Variants in NRXN3 observed in about 807,000 individuals in gnomAD.
The protein encoded by NRXN3 is neurexin 3, also known as neurexin III.
A neutral mutation model predicts 137.6 loss-of-function variants in NRXN3; 32 were observed. The ratio of observed to expected loss-of-function variants is 0.23; its 90% CI spans 0.18 to 0.31. The LOEUF is 0.31. NRXN3 is among the 10% of genes least tolerant of loss of function. The pLI is 1.00. For synonymous variants in NRXN3, 798 were observed against 784.5 expected (o/e 1.02, Z -0.29); for missense variants, 1,574 against 2,062.5 (o/e 0.76, Z 4.59).
Position 79,139,908 on chromosome 14 carries a change from C to CATAT in NRXN3, c.3262+151782_3262+151785dup, listed in dbSNP as rs34927047. ...ATATGGCTTATACAAATGGCATATG[C>CATAT]ATATATATATATATATATCATATAC... On this transcript the variant is annotated intron_variant, in intron 15 of 20. Coordinates refer to ENST00000335750, the MANE Select transcript of NRXN3 (RefSeq NM_001330195.2). Among the ~76,000 whole-genome samples, 886 of 143,748 alleles carry CATAT rather than the reference C, an allele frequency of 6.2e-3. 2 individuals are homozygous for CATAT. The highest frequency in any genetic ancestry group is 8.5e-3 in the African/African-American group (336 of 39,358). The allele number at this position is 143,748 out of a possible 152,430, so 94.3% of individuals were successfully genotyped here.
chr14:78,910,581 T>C lies in NRXN3; in HGVS notation c.2276-46661T>C, dbSNP rs1224056953. ...CTCTAATCTTTTAGCAGCTTGAATGTCATTCCTCAAAAAAGCCTCCCTGAC... is the reference window on the plus strand; with the variant it reads ...CTCTAATCTTTTAGCAGCTTGAATGCCATTCCTCAAAAAAGCCTCCCTGAC... On this transcript the variant is annotated intron_variant, in intron 10 of 20. Transcript: ENST00000335750. 2.6e-5 allele frequency among the ~76,000 whole-genome samples: 4 copies of C among 152,194 alleles called. No homozygotes were observed. The East Asian group carries it at 7.7e-4, about 29-fold the overall frequency.
intron 8 of NRXN3, among the ~76,000 whole-genome samples, chr14:78,733,223 C>T (rs971378743): frequency 1.3e-5 from 2 of 152,084 alleles, no homozygotes; most frequent in African/African-American, 2.4e-5. Context: ...TATTTTCTGC[C>T]TCATGCCTGG....
intron 6 of NRXN3, among the ~76,000 whole-genome samples, chr14:78,679,921 A>T (rs1261923161): frequency 6.6e-6 from 1 of 152,152 alleles, no homozygotes; most frequent in Non-Finnish European, 1.5e-5. Context: ...GTTTAAGGAC[A>T]TGAGATTCTA....
rs76837591 is a variant in NRXN3, at chr14:79,468,869, G to T, written c.3444+1467G>T. ...TGGTGGAGGAGTCTTGAATAGAGTT[G>T]TGAACTTTTCAATTTTTTCTCAGAT... On this transcript the variant is annotated intron_variant, in intron 16 of 20. Transcript: ENST00000335750. Among the ~76,000 whole-genome samples the T allele has an allele frequency of 6.5e-3, 983 of 152,310 alleles. 13 individuals are homozygous for T. Among genetic ancestry groups the T allele is most frequent in the African/African-American group, 0.023 (950 of 41,572 alleles).
chr14:79,100,769 C>T (rs1486054198), intron 15 of NRXN3, among the ~76,000 whole-genome samples: 2 of 152,174 alleles, frequency 1.3e-5, no homozygotes, highest in Non-Finnish European at 2.9e-5. Flanking sequence ...TAAACACCCT[C>T]AAATGGGGAC....
chr14:79,219,731 G>GTCATATAAT (rs11281805), intron 15 of NRXN3, among the ~76,000 whole-genome samples: 5,475 of 152,124 alleles, frequency 0.036, 253 homozygotes, highest in African/African-American at 0.099. Context: ...ATATCTGACG[G>GTCATATAAT]TCATATAATT....
At chr14:78,904,837 G>A (rs890679824) in intron 10 of NRXN3, among the ~76,000 whole-genome samples, 1 of 150,720 alleles carries the variant, frequency 6.6e-6, no homozygotes, top group Non-Finnish European at 1.5e-5. Context: ...GAATATGAAT[G>A]ACCTTTCCCT....
At chr14:78,356,610 A>G (rs1029015315) in intron 4 of NRXN3, among the ~76,000 whole-genome samples, 3 of 152,200 alleles carry the variant, frequency 2.0e-5, no homozygotes, top group Non-Finnish European at 2.9e-5. Context: ...AAACCATTCC[A>G]GGCAGCCGAC....
intron 4 of NRXN3, among the ~76,000 whole-genome samples, chr14:78,374,892 A>G (rs941554555): frequency 2.0e-5 from 3 of 152,174 alleles, no homozygotes; most frequent in African/African-American, 4.8e-5. Context: ...CACAATCACC[A>G]CTGATTAGTA....
chr14:78,576,041 G>A (rs1330428913), intron 4 of NRXN3, among the ~76,000 whole-genome samples: 4 of 152,222 alleles, frequency 2.6e-5, no homozygotes, highest in Admixed American at 6.5e-5. Context: ...TATTCATGAA[G>A]TAAAAATGTC....
At chr14:79,186,507 T>G (rs74951817) in intron 15 of NRXN3, among the ~76,000 whole-genome samples, 5,801 of 152,262 alleles carry the variant, frequency 0.038, 251 homozygotes, top group East Asian at 0.22. Context: ...GATTTTTTCA[T>G]GCTTTCAGTA....
At chr14:79,587,099 G>T (rs934222126) in intron 16 of NRXN3, among the ~76,000 whole-genome samples, 6 of 152,194 alleles carry the variant, frequency 3.9e-5, no homozygotes, top group Admixed American at 1.3e-4. Flanking sequence ...GGTTGTGCCA[G>T]ACTTTCACGG....
At chr14:79,119,745 T>C (rs2055090262) in intron 15 of NRXN3, among the ~76,000 whole-genome samples, 2 of 152,162 alleles carry the variant, frequency 1.3e-5, no homozygotes, top group East Asian at 1.9e-4. Context: ...GTAAGCCTCT[T>C]TCTTTTTTTC....
At position 79,077,361 on chromosome 14, in the gene NRXN3, G is replaced by A. The variant is rs555706874; in HGVS notation, c.3262+89220G>A. Among the ~76,000 whole-genome samples the A allele has an allele frequency of 1.8e-3, 277 of 152,244 alleles. 1 individual carries two copies. Among genetic ancestry groups the A allele is most frequent in the Non-Finnish European group, 3.4e-3 (232 of 67,998 alleles). ...CGAGGCACTGGGGAAGTGTCCACAC[G>A]ATGTTTGCCTTCTGTGAACCTGGAA... On this transcript the variant is annotated intron_variant, in intron 15 of 20. Transcript: ENST00000335750.
chr14:78,396,036 C>T (rs1449103609), intron 4 of NRXN3, among the ~76,000 whole-genome samples: 1 of 151,414 alleles, frequency 6.6e-6, no homozygotes, highest in Non-Finnish European at 1.5e-5. Context: ...TCTATTTGTT[C>T]TCTGTGTTTC....
intron 15 of NRXN3, among the ~76,000 whole-genome samples, chr14:79,162,483 T>C (rs1596642457): frequency 1.3e-5 from 2 of 152,076 alleles, no homozygotes; most frequent in South Asian, 4.2e-4. Flanking sequence ...CATCATTTTT[T>C]ATGGCTGCAT....
At position 79,230,053 on chromosome 14, in the gene NRXN3, A is replaced by G. The variant is rs567171551; in HGVS notation, c.3263-237168A>G. ...CCAGAGGTGAGCCATAATGAGGCTC[A>G]GAGTAACTAAATGCAGCAATCTGCT... On this transcript the variant is annotated intron_variant, in intron 15 of 20. Coordinates refer to ENST00000335750, the MANE Select transcript of NRXN3 (RefSeq NM_001330195.2). Among the ~76,000 whole-genome samples, 459 of 152,276 alleles carry G rather than the reference A, an allele frequency of 3.0e-3. 1 individual carries two copies. The highest frequency in any genetic ancestry group is 4.2e-3 in the Non-Finnish European group (283 of 68,006).
intron 16 of NRXN3, among the ~76,000 whole-genome samples, chr14:79,504,045 C>G (rs142013931): frequency 0.011 from 1,749 of 152,244 alleles, 25 homozygotes; most frequent in Non-Finnish European, 0.016. Context: ...CAACAGTGTC[C>G]TGGTGGATCT....
Position 79,550,157 on chromosome 14 carries a change from G to C in NRXN3, c.3444+82755G>C, listed in dbSNP as rs2097360664. ...GCTAATTTTTTTATTTTTTAGTAGA[G>C]ACGAGGTTTCACCATATTGGCCAGG... On this transcript the variant is annotated intron_variant, in intron 16 of 20. Transcript: ENST00000335750. 2.0e-5 allele frequency among the ~76,000 whole-genome samples: 3 copies of C among 151,956 alleles called. No homozygotes were observed. In the South Asian group the frequency reaches 6.2e-4, roughly 32 times the overall value.
Sources: allele counts gnomAD v4.1 joint callset (sites outside exome capture counted in the v4.1 genomes callset), GRCh38; gene constraint gnomAD v4.1.1; transcripts MANE v1.5; gene names NCBI Gene and HGNC (gene_info 2026-07-23, HGNC 2026-07-21).